ZNF385D: variants seen among roughly 807,000 people sequenced by gnomAD.
ZNF385D encodes the protein zinc finger protein 385D.
ZNF385D carries 15 observed loss-of-function variants against 35.8 expected under a neutral mutation model. The observed-to-expected ratio is 0.42, with a 90% CI of 0.28 to 0.64. The LOEUF is 0.64. ZNF385D is among the 30% of genes least tolerant of loss of function. ZNF385D has a pLI of 0.23. For missense variants in ZNF385D, 474 were observed against 494.6 expected, an observed-to-expected ratio of 0.96 and a Z score of 0.39; for synonymous variants, 212 against 186.8, an observed-to-expected ratio of 1.13 and a Z score of -1.10.
At chr3:21,574,611 T>C (rs1023968836) in intron 2 of ZNF385D, among the ~76,000 whole-genome samples, 1 of 152,136 alleles carries the variant, frequency 6.6e-6, no homozygotes, top group African/African-American at 2.4e-5. Flanking sequence ...ATTATAAATA[T>C]AGTGAAATAT....
chr3:21,665,784 C>T (rs1026475899), intron 1 of ZNF385D, among the ~76,000 whole-genome samples: 2 of 152,112 alleles, frequency 1.3e-5, no homozygotes, highest in African/African-American at 2.4e-5. Context: ...ACATTTGCCC[C>T]GTTATAGGAC....
intron 3 of ZNF385D, chr3:21,961,592 T>G (rs575327365): frequency 1.3e-5 from 2 of 152,172 alleles, no homozygotes; most frequent in Non-Finnish European, 2.9e-5. Flanking sequence ...GCCTTTTATT[T>G]TTATAGAACA....
chr3:21,754,774 G>A (rs1277907872), upstream of ZNF385D, among the ~76,000 whole-genome samples: 1 of 152,066 alleles, frequency 6.6e-6, no homozygotes, highest in Non-Finnish European at 1.5e-5. Flanking sequence ...ATCTCAGTGA[G>A]GGCAGGGATT....
chr3:21,563,337 T>TTATAATC (rs1307306088), intron 3 of ZNF385D: 1 of 152,390 alleles, frequency 6.6e-6, no homozygotes. Context: ...TTTCTGTTGT[T>TTATAATC]TATAATCTAC....
intron 3 of ZNF385D, among the ~76,000 whole-genome samples, chr3:21,940,171 G>C (rs1398502150): frequency 6.6e-6 from 1 of 151,992 alleles, no homozygotes; most frequent in African/African-American, 2.4e-5. Context: ...CTATGACGGT[G>C]TCTACTGATA....
At chr3:21,532,501 T>C (rs1245587121) in intron 3 of ZNF385D, among the ~76,000 whole-genome samples, 1 of 152,138 alleles carries the variant, frequency 6.6e-6, no homozygotes, top group Non-Finnish European at 1.5e-5. Context: ...CAAGATATTC[T>C]TTGAGAATGG....
chr3:21,516,086 CT>C (rs1305440825), intron 3 of ZNF385D, among the ~76,000 whole-genome samples: 1 of 152,178 alleles, frequency 6.6e-6, no homozygotes, highest in Non-Finnish European at 1.5e-5. Context: ...TTCCACACCC[CT>C]ATGATTGCAT....
At chr3:21,769,418 A>T (rs1022286818) in intron 3 of ZNF385D, among the ~76,000 whole-genome samples, 1 of 117,110 alleles carries the variant, frequency 8.5e-6, no homozygotes, top group South Asian at 2.7e-4. Flanking sequence ...TGCAAAAATC[A>T]CATGCATTCT....
chr3:21,772,951 A>T (rs1465518734), intron 3 of ZNF385D, among the ~76,000 whole-genome samples: 1 of 151,940 alleles, frequency 6.6e-6, no homozygotes, highest in Non-Finnish European at 1.5e-5. Flanking sequence ...ATAGCCAATC[A>T]CTAAAAGACA....
At chr3:21,581,823 A>G (rs540921249) in intron 2 of ZNF385D, among the ~76,000 whole-genome samples, 3 of 152,304 alleles carry the variant, frequency 2.0e-5, no homozygotes, top group African/African-American at 7.2e-5. Flanking sequence ...ACTAAGAATC[A>G]CCTTGGGAAG....
At chr3:22,232,486 C>A (rs181173637) in intron 2 of ZNF385D, among the ~76,000 whole-genome samples, 1 of 152,156 alleles carries the variant, frequency 6.6e-6, no homozygotes, top group East Asian at 1.9e-4. Context: ...GTTTGTTGCA[C>A]CCATCAACCC....
At chr3:22,163,718 G>C (rs1249621563) in intron 3 of ZNF385D, among the ~76,000 whole-genome samples, 1 of 152,108 alleles carries the variant, frequency 6.6e-6, no homozygotes, top group African/African-American at 2.4e-5. Flanking sequence ...ATAAATTTAG[G>C]TAAAAATCTC....
At chr3:22,285,133 A>T (rs1024334526) in intron 2 of ZNF385D, among the ~76,000 whole-genome samples, 1 of 152,184 alleles carries the variant, frequency 6.6e-6, no homozygotes, top group African/African-American at 2.4e-5. Context: ...TTCCCTGGCA[A>T]ACCAACTGAA....
At chr3:22,275,647 A>C (rs1026323140) in intron 2 of ZNF385D, among the ~76,000 whole-genome samples, 1 of 152,190 alleles carries the variant, frequency 6.6e-6, no homozygotes, top group African/African-American at 2.4e-5. Context: ...TGGCATTTGG[A>C]AAAGCCAATA....
intron 2 of ZNF385D, among the ~76,000 whole-genome samples, chr3:21,649,830 C>G (rs1312187936): frequency 6.6e-6 from 1 of 152,114 alleles, no homozygotes; most frequent in African/African-American, 2.4e-5. Context: ...GAATTTACTA[C>G]TTAAATTATT....
intron 3 of ZNF385D, among the ~76,000 whole-genome samples, chr3:21,900,501 A>G (rs2125897072): frequency 6.6e-6 from 1 of 152,258 alleles, no homozygotes; most frequent in East Asian, 1.9e-4. Flanking sequence ...GAAAAATGTC[A>G]ATTTAAATAT....
chr3:22,036,183 T>A (rs988075779), intron 3 of ZNF385D, among the ~76,000 whole-genome samples: 2 of 152,032 alleles, frequency 1.3e-5, no homozygotes, highest in African/African-American at 4.8e-5. Flanking sequence ...GAATCTCAGG[T>A]GAAAGGGAAA....
At chr3:22,037,900 A>G (rs1406334709) in intron 3 of ZNF385D, among the ~76,000 whole-genome samples, 1 of 152,174 alleles carries the variant, frequency 6.6e-6, no homozygotes, top group African/African-American at 2.4e-5. Context: ...ATGGAACAGA[A>G]CAGAGCCCTC....
chr3:21,848,505 G>C (rs1439273195), intron 3 of ZNF385D, among the ~76,000 whole-genome samples: 2 of 151,036 alleles, frequency 1.3e-5, no homozygotes, highest in African/African-American at 4.9e-5. Flanking sequence ...CCTAAAATAA[G>C]AAAAAAAGAG....
Sources: gnomAD v4.1 joint callset for allele counts (sites outside exome capture counted in the v4.1 genomes callset) on GRCh38, gnomAD v4.1.1 for gene constraint, MANE v1.5 for transcripts, NCBI Gene and HGNC (gene_info 2026-07-23, HGNC 2026-07-21) for gene names.